Variants in DPP10 observed in about 807,000 individuals in gnomAD.
DPP10 encodes the protein inactive dipeptidyl peptidase 10.
Under a neutral mutation model 120.9 loss-of-function variants are expected in DPP10, and 33 were observed. The observed-to-expected ratio is 0.27, with a 90% CI of 0.21 to 0.37. DPP10 has a LOEUF of 0.37. Among genes scored for constraint, DPP10 ranks in the 10% least tolerant of loss-of-function variants. DPP10 has a pLI of 1.00. For missense variants in DPP10, 816 were observed against 942.8 expected, an observed-to-expected ratio of 0.87 and a Z score of 1.76; for synonymous variants, 337 against 326.1, an observed-to-expected ratio of 1.03 and a Z score of -0.36.
intron 3 of DPP10, among the ~76,000 whole-genome samples, chr2:115,486,535 G>C (rs1171008481): frequency 1.3e-5 from 2 of 152,100 alleles, no homozygotes; most frequent in Non-Finnish European, 2.9e-5. Context: ...TGGAAGAGAA[G>C]CATGAATCTG....
chr2:114,462,697 G>A (rs935403960), intron 1 of DPP10, among the ~76,000 whole-genome samples: 2 of 152,126 alleles, frequency 1.3e-5, no homozygotes, highest in Non-Finnish European at 2.9e-5. Context: ...ACTATAAAAC[G>A]CTCTTCCCCC....
chr2:114,510,850 C>T (rs530806184), intron 1 of DPP10, among the ~76,000 whole-genome samples: 73 of 152,148 alleles, frequency 4.8e-4, no homozygotes, highest in Non-Finnish European at 9.3e-4. Flanking sequence ...AGTGAAGTGA[C>T]AATTGTACAC....
intron 11 of DPP10, among the ~76,000 whole-genome samples, chr2:115,760,808 G>T (rs1336997759): frequency 6.6e-6 from 1 of 152,074 alleles, no homozygotes; most frequent in Non-Finnish European, 1.5e-5. Flanking sequence ...TTAAAAATTG[G>T]CCTACAGGCC....
At chr2:115,114,644 A>G (rs567230709) in intron 1 of DPP10, among the ~76,000 whole-genome samples, 5 of 152,342 alleles carry the variant, frequency 3.3e-5, no homozygotes, top group Non-Finnish European at 5.9e-5. Flanking sequence ...TCTCTCTAGG[A>G]GAAAGTAAAC....
At chr2:115,794,829 A>G (rs1315078699) in intron 19 of DPP10, among the ~76,000 whole-genome samples, 1 of 152,050 alleles carries the variant, frequency 6.6e-6, no homozygotes, top group Non-Finnish European at 1.5e-5. Context: ...ATAACCTCGT[A>G]TTGTTCTTTT....
chr2:115,161,376 C>T (rs1481777420), intron 1 of DPP10: 2 of 152,176 alleles, frequency 1.3e-5, no homozygotes, highest in African/African-American at 2.4e-5. Context: ...GGGCGCGCTC[C>T]GCTTCTCCGG....
chr2:115,690,411 A>T (rs1316957430), intron 7 of DPP10, among the ~76,000 whole-genome samples: 5 of 152,222 alleles, frequency 3.3e-5, no homozygotes, highest in African/African-American at 9.6e-5. Flanking sequence ...TTGAGCAATT[A>T]TATATATATG....
chr2:114,577,524 G>C (rs527950522), intron 1 of DPP10, among the ~76,000 whole-genome samples: 16 of 152,230 alleles, frequency 1.1e-4, no homozygotes, highest in African/African-American at 3.9e-4. Flanking sequence ...GAGGCCGGAG[G>C]GGCTCTTTTT....
intron 1 of DPP10, among the ~76,000 whole-genome samples, chr2:114,476,276 A>C (rs539347019): frequency 6.6e-6 from 1 of 152,324 alleles, no homozygotes; most frequent in Non-Finnish European, 1.5e-5. Flanking sequence ...GTAATCAGAG[A>C]TGTTATCAGG....
At chr2:115,566,851 G>A (rs1283505188) in intron 5 of DPP10, among the ~76,000 whole-genome samples, 2 of 152,106 alleles carry the variant, frequency 1.3e-5, no homozygotes, top group Non-Finnish European at 2.9e-5. Context: ...TTAATTCATA[G>A]GATATTCCCA....
At chr2:115,380,917 G>C (rs1297742397) in intron 3 of DPP10, among the ~76,000 whole-genome samples, 1 of 152,200 alleles carries the variant, frequency 6.6e-6, no homozygotes, top group Non-Finnish European at 1.5e-5. Flanking sequence ...TCTGCCTAGA[G>C]ATCCGCTGTT....
intron 7 of DPP10, among the ~76,000 whole-genome samples, chr2:115,690,587 AT>A (rs2091262449): frequency 6.6e-6 from 1 of 151,982 alleles, no homozygotes; most frequent in South Asian, 2.1e-4. Context: ...TAGCTTTTAT[AT>A]TTTTAGTAGA....
intron 1 of DPP10, among the ~76,000 whole-genome samples, chr2:114,784,059 A>T (rs1682560850): frequency 6.6e-6 from 1 of 152,086 alleles, no homozygotes; most frequent in African/African-American, 2.4e-5. Context: ...AAGGGAGTTA[A>T]TGCCTGTGAG....
At chr2:115,566,759 C>T (rs1457904313) in intron 5 of DPP10, among the ~76,000 whole-genome samples, 2 of 152,190 alleles carry the variant, frequency 1.3e-5, no homozygotes, top group Admixed American at 1.3e-4. Flanking sequence ...CTCATTGCTA[C>T]TGTAATGACG....
intron 1 of DPP10, among the ~76,000 whole-genome samples, chr2:114,767,652 T>C (rs1019401065): frequency 6.6e-6 from 1 of 152,172 alleles, no homozygotes; most frequent in African/African-American, 2.4e-5. Context: ...TGAGGTTCTT[T>C]TGACTATCAA....
At chr2:114,768,059 T>A (rs1291144291) in intron 1 of DPP10, among the ~76,000 whole-genome samples, 1 of 137,066 alleles carries the variant, frequency 7.3e-6, no homozygotes, top group African/African-American at 2.8e-5. Context: ...ACCCAGGAGG[T>A]GGAGGTGGCA....
At position 115,753,265 on chromosome 2, in the gene DPP10, G is replaced by A. The variant is rs1678980746; in HGVS notation, c.1042G>A (p.Val348Ile). ...AGCTCAGAACATCTCCATCCTCACA[G>A]TCTGTGAGACCACTACAGGTGCTTG... ...NRAQNISILT[V>I]CETTTGACSK... The change falls in exon 11 of 26, where the codon GTC becomes ATC. Residue 348 changes from valine to isoleucine, a missense_variant. Physicochemically the swap from Val to Ile is conservative, Grantham distance 29. Transcript: ENST00000410059. The A allele has an allele frequency of 1.2e-6, 2 of 1,610,744 alleles. No individual in the cohort carries two copies. The highest frequency in any genetic ancestry group is 2.7e-5 in the African/African-American group (2 of 74,842).
intron 7 of DPP10, among the ~76,000 whole-genome samples, chr2:115,692,893 A>G (rs1374965369): frequency 6.6e-6 from 1 of 152,176 alleles, no homozygotes; most frequent in Non-Finnish European, 1.5e-5. Context: ...ATTTCATATC[A>G]TGAGAAGCCT....
At chr2:115,450,120 A>C (rs1400666) in intron 3 of DPP10, among the ~76,000 whole-genome samples, 21,134 of 151,890 alleles carry the variant, frequency 0.14, 3,214 homozygotes, top group African/African-American at 0.37. Context: ...GAATATCATA[A>C]GTCAAAAATG....
Sources: allele counts gnomAD v4.1 joint callset (sites outside exome capture counted in the v4.1 genomes callset), GRCh38; gene constraint gnomAD v4.1.1; transcripts MANE v1.5; gene names NCBI Gene and HGNC (gene_info 2026-07-23, HGNC 2026-07-21).